GRIN2B: variants seen among roughly 807,000 people sequenced by gnomAD.
The protein encoded by GRIN2B is glutamate ionotropic receptor NMDA type subunit 2B, also known as glutamate receptor ionotropic, NMDA 2B.
In GRIN2B, 5 loss-of-function variants were observed where a neutral mutation model predicts 114.5. That is an observed-to-expected ratio of 0.04 (90% CI 0.02 to 0.09). The LOEUF (loss-of-function observed/expected upper bound fraction) is 0.09, where lower values mean the gene tolerates loss of function less well. GRIN2B is among the 10% of genes least tolerant of loss of function. The pLI is 1.00. For missense variants in GRIN2B, 1,108 were observed against 1,943.5 expected, an observed-to-expected ratio of 0.57 and a Z score of 8.08; for synonymous variants, 787 against 745.1, an observed-to-expected ratio of 1.06 and a Z score of -0.92.
chr12:13,756,145 A>T (rs1020838799), intron 3 of GRIN2B, among the ~76,000 whole-genome samples: 4 of 151,996 alleles, frequency 2.6e-5, no homozygotes, highest in African/African-American at 7.2e-5. Context: ...CCTCCCGAGT[A>T]GCTGGGATTA....
chr12:13,770,324 G>T (rs1863881968), intron 3 of GRIN2B, among the ~76,000 whole-genome samples: 1 of 152,148 alleles, frequency 6.6e-6, no homozygotes, highest in Admixed American at 6.5e-5. Context: ...CACTTCAAAA[G>T]AATTTAATGT....
At chr12:13,867,617 A>G (rs754856454) in intron 2 of GRIN2B, among the ~76,000 whole-genome samples, 1 of 152,204 alleles carries the variant, frequency 6.6e-6, no homozygotes, top group African/African-American at 2.4e-5. Context: ...ACATTTCCTC[A>G]TATATAATCT....
chr12:13,870,210 T>C (rs892724245), intron 2 of GRIN2B, among the ~76,000 whole-genome samples: 8 of 152,122 alleles, frequency 5.3e-5, no homozygotes, highest in Non-Finnish European at 2.9e-5. Flanking sequence ...CACTGACAGC[T>C]TACTAGTCAT....
intron 13 of GRIN2B, among the ~76,000 whole-genome samples, chr12:13,565,378 A>T (rs1022237934): frequency 1.3e-5 from 2 of 152,196 alleles, no homozygotes; most frequent in Non-Finnish European, 2.9e-5. Context: ...GAATTCTCTC[A>T]TTTATTCTCT....
At chr12:13,942,875 T>C (rs1194981721) in intron 2 of GRIN2B, among the ~76,000 whole-genome samples, 1 of 152,162 alleles carries the variant, frequency 6.6e-6, no homozygotes, top group African/African-American at 2.4e-5. Context: ...CATCTCTCCC[T>C]GTGAGGATAA....
intron 4 of GRIN2B, among the ~76,000 whole-genome samples, chr12:13,708,507 G>T (rs1218398683): frequency 6.6e-6 from 1 of 152,016 alleles, no homozygotes; most frequent in African/African-American, 2.4e-5. Context: ...AAGACCAACT[G>T]CCCCATGAAA....
chr12:13,806,271 T>C (rs1417499613), intron 3 of GRIN2B, among the ~76,000 whole-genome samples: 1 of 152,178 alleles, frequency 6.6e-6, no homozygotes, highest in Non-Finnish European at 1.5e-5. Flanking sequence ...ATTTGGTAAT[T>C]CTATTCTTAG....
chr12:13,772,758 T>A (rs149171732), intron 3 of GRIN2B, among the ~76,000 whole-genome samples: 50 of 152,344 alleles, frequency 3.3e-4, no homozygotes, highest in African/African-American at 1.2e-3. Context: ...CAGGCAAGTT[T>A]GCAACCTTGT....
At chr12:13,966,835 A>C (rs1229638967) in intron 2 of GRIN2B, among the ~76,000 whole-genome samples, 1 of 152,176 alleles carries the variant, frequency 6.6e-6, no homozygotes, top group African/African-American at 2.4e-5. Flanking sequence ...AATTATTAAT[A>C]CTCCATTTGA....
chr12:13,781,031 T>C (rs1337647179), intron 3 of GRIN2B, among the ~76,000 whole-genome samples: 1 of 152,206 alleles, frequency 6.6e-6, no homozygotes, highest in Non-Finnish European at 1.5e-5. Flanking sequence ...ACAAAGTTCC[T>C]TATGTAGTTC....
At chr12:13,885,082 T>C (rs1372486542) in intron 2 of GRIN2B, among the ~76,000 whole-genome samples, 4 of 152,094 alleles carry the variant, frequency 2.6e-5, no homozygotes, top group Non-Finnish European at 5.9e-5. Context: ...GACAAGATAA[T>C]AGATTTGAAA....
chr12:13,789,077 T>TC (rs944244049), intron 3 of GRIN2B, among the ~76,000 whole-genome samples: 3 of 151,618 alleles, frequency 2.0e-5, no homozygotes, highest in Non-Finnish European at 4.4e-5. Flanking sequence ...TGGTTGTTGT[T>TC]TTTTTTCCTA....
chr12:13,950,943 A>T (rs1021884508), intron 2 of GRIN2B, among the ~76,000 whole-genome samples: 3 of 152,176 alleles, frequency 2.0e-5, no homozygotes, highest in African/African-American at 7.2e-5. Flanking sequence ...TTGACCAGGG[A>T]AGAGAAAAAT....
chr12:13,647,553 A>G (rs956596453), intron 5 of GRIN2B, among the ~76,000 whole-genome samples: 1 of 152,130 alleles, frequency 6.6e-6, no homozygotes, highest in African/African-American at 2.4e-5. Context: ...GAAGTTAAAA[A>G]TAATTGAAGT....
Position 13,563,194 on chromosome 12 carries a change from G to A in GRIN2B, c.4044C>T (p.Thr1348=). The change falls in exon 14 of 14, where the codon ACC becomes ACT. Residue 1348 remains threonine (T), a synonymous_variant. Coordinates refer to ENST00000609686, the MANE Select transcript of GRIN2B (RefSeq NM_000834.5). ...HMFEMSAGES[T]FANNKSSVPT... ...GCACTGAGGACTTGTTGTTGGCAAA[G>A]GTGCTCTCGCCAGCTGACATCTCAA... is the stretch of plus-strand genomic sequence containing the variant. 1.2e-6 allele frequency: 2 copies of A among 1,614,258 alleles called. No individual in the cohort carries two copies. Among genetic ancestry groups the A allele is most frequent in the Non-Finnish European group, 1.7e-6 (2 of 1,180,054 alleles).
chr12:13,771,857 A>G (rs1565531575), intron 3 of GRIN2B, among the ~76,000 whole-genome samples: 1 of 152,248 alleles, frequency 6.6e-6, no homozygotes, highest in Admixed American at 6.5e-5. Context: ...CTGATCAAAA[A>G]CACAGCTTCC....
intron 4 of GRIN2B, among the ~76,000 whole-genome samples, chr12:13,720,158 G>C (rs1243694749): frequency 1.3e-5 from 2 of 152,006 alleles, no homozygotes; most frequent in Admixed American, 1.3e-4. Flanking sequence ...TAAAAAATAA[G>C]CTTCTCATGT....
intron 2 of GRIN2B, among the ~76,000 whole-genome samples, chr12:13,958,057 G>T (rs1333318301): frequency 2.6e-5 from 4 of 152,140 alleles, no homozygotes; most frequent in African/African-American, 9.7e-5. Context: ...TTTCCGTCAC[G>T]GTAGAAAGTT....
At chr12:13,828,545 G>A (rs1190687916) in intron 3 of GRIN2B, among the ~76,000 whole-genome samples, 1 of 152,080 alleles carries the variant, frequency 6.6e-6, no homozygotes, top group South Asian at 2.1e-4. Flanking sequence ...CTCCCCAAAT[G>A]CTGATCTCTG....
Sources: allele counts gnomAD v4.1 joint callset (sites outside exome capture counted in the v4.1 genomes callset), GRCh38; gene constraint gnomAD v4.1.1; transcripts MANE v1.5; gene names NCBI Gene and HGNC (gene_info 2026-07-23, HGNC 2026-07-21).